The following PKLR variants were observed in gnomAD, a reference collection of about 807,000 sequenced individuals.
PKLR encodes the protein pyruvate kinase PKLR.
A neutral mutation model predicts 53.6 loss-of-function variants in PKLR; 38 were observed. The ratio of observed to expected loss-of-function variants is 0.71; its 90% CI spans 0.55 to 0.93. PKLR has a LOEUF of 0.93. Ranked by LOEUF, PKLR falls within the 40% of genes least tolerant of loss-of-function variation. PKLR has a pLI of 0.00. For missense variants in PKLR, 702 were observed against 787.3 expected, an observed-to-expected ratio of 0.89 and a Z score of 1.30; for synonymous variants, 328 against 316.2, an observed-to-expected ratio of 1.04 and a Z score of -0.39.
chr1:155,302,910 A>G (rs997330753), upstream of PKLR, among the ~76,000 whole-genome samples: 9 of 151,982 alleles, frequency 5.9e-5, no homozygotes, highest in African/African-American at 2.2e-4. Flanking sequence ...TTATTTTTGT[A>G]GAGACTGGTG....
Position 155,293,293 on chromosome 1 carries a change from C to G in PKLR, c.1320G>C (p.Glu440Asp). ...GGCTTAGTGGCGCTGCCCGACGTAGCTCCTCAAACAGCTGCCGGTGGTACA... is the reference window on the plus strand; with the variant it reads ...GGCTTAGTGGCGCTGCCCGACGTAGGTCCTCAAACAGCTGCCGGTGGTACA... ...AAVYHRQLFE[E>D]LRRAAPLSRD... Residue 440 changes from glutamate (E) to aspartate (D), a missense_variant, in exon 9 of 11, where the codon GAG (glutamate) becomes GAC (aspartate). Coordinates refer to ENST00000342741, the MANE Select transcript of PKLR (RefSeq NM_000298.6). The surrounding 1 kb of genome is among the most constrained non-coding windows in gnomAD (Gnocchi z 4.2). The G allele has an allele frequency of 6.2e-7, 1 of 1,614,268 alleles. No individual in the cohort carries two copies. Among genetic ancestry groups the G allele is most frequent in the Non-Finnish European group, 8.5e-7 (1 of 1,180,056 alleles).
At chr1:155,300,379 T>A in intron 1 of PKLR, 99 bp from the exon 2 acceptor site, 1 of 878,716 alleles carries the variant, frequency 1.1e-6, no homozygotes, top group Non-Finnish European at 1.8e-6. Flanking sequence ...TCTTATGAGC[T>A]GGGCATCATG....
the PKLR span, among the ~76,000 whole-genome samples, chr1:155,307,509 A>T: frequency 1.3e-5 from 2 of 152,202 alleles, no homozygotes; most frequent in Non-Finnish European, 2.9e-5. Flanking sequence ...GATAAAACAG[A>T]TTGCAGTAAA....
rs1452107518 is a variant in PKLR, at chr1:155,295,535, C to T, written c.409G>A (p.Ala137Thr). Residue 137 changes from alanine to threonine, a missense_variant, in exon 4 of 11, where the codon GCG becomes ACG. By Grantham distance (58) the Ala-to-Thr change is moderately conservative. Coordinates refer to ENST00000342741, the MANE Select transcript of PKLR (RefSeq NM_000298.6). This position sits in a 1 kb window ranked among gnomAD's most constrained non-coding sequence, Gnocchi z 4.3. The part of the protein sequence containing the change: ...HAESIANVRE[A>T]VESFAGSPLS... ...GGGGAACCTGCAAAGCTCTCCACCG[C>T]CTCCCGGACGTTGGCGATGGACTCA... is the stretch of plus-strand genomic sequence containing the variant. 6.2e-7 allele frequency: 1 copy of T among 1,613,606 alleles called. No individual in the cohort carries two copies. The highest frequency in any genetic ancestry group is 8.5e-7 in the Non-Finnish European group (1 of 1,179,824).
chr1:155,300,311 G>A, intron 1 of PKLR, 31 bp from the exon 2 acceptor site: 2 of 1,546,674 alleles, frequency 1.3e-6, no homozygotes, highest in South Asian at 1.2e-5. Context: ...GGGACTGCAT[G>A]TCACCTGCCC....
intron 5 of PKLR, 27 bp from the exon 6 acceptor site, chr1:155,294,779 G>C (rs1205797609): frequency 2.5e-6 from 4 of 1,613,364 alleles, no homozygotes; most frequent in Admixed American, 3.3e-5. Flanking sequence ...AGCCAGCTGC[G>C]GTCAGGGGTG....
intron 2 of PKLR, among the ~76,000 whole-genome samples, chr1:155,297,657 C>G (rs1647673356): frequency 1.3e-5 from 2 of 151,926 alleles, no homozygotes; most frequent in African/African-American, 4.8e-5. Flanking sequence ...CATTCCCCTG[C>G]TCAAAACCCT....
At chr1:155,301,225 C>T (rs1647974378) in intron 1 of PKLR, 71 bp downstream of exon 1, 1 of 1,559,930 alleles carries the variant, frequency 6.4e-7, no homozygotes, top group East Asian at 2.2e-5. Context: ...CATTTATGCC[C>T]TCCACCCTGG....
chr1:155,298,128 C>T (rs114803660), intron 2 of PKLR, among the ~76,000 whole-genome samples: 2,014 of 152,236 alleles, frequency 0.013, 43 homozygotes, highest in African/African-American at 0.046. Flanking sequence ...TCCCTGCCTT[C>T]CAGTTCAAGT....
At chr1:155,305,466 C>T (rs953228001), upstream of PKLR, among the ~76,000 whole-genome samples, 5 of 152,176 alleles carry the variant, frequency 3.3e-5, no homozygotes, top group East Asian at 1.9e-4. Flanking sequence ...AGAGGACTTC[C>T]GGAGGGAAAT....
chr1:155,295,647 C>G lies in PKLR; in HGVS notation c.375+18G>C, dbSNP rs771734912. The G allele has an allele frequency of 1.5e-4, 235 of 1,613,942 alleles. 4 individuals are homozygous for G. In the South Asian group the frequency reaches 2.4e-3, roughly 17 times the overall value. ...GCATCCTCCTGCCCCACCCACTGCCCGGCGGCCCGTCCCGCACCTCGTGGG... is the reference window on the plus strand; with the variant it reads ...GCATCCTCCTGCCCCACCCACTGCCGGGCGGCCCGTCCCGCACCTCGTGGG... On this transcript the variant is annotated intron_variant, in intron 3 of 10. Transcript: ENST00000342741. This position sits in a 1 kb window ranked among gnomAD's most constrained non-coding sequence, Gnocchi z 4.3.
At chr1:155,306,997 C>A in the PKLR span, among the ~76,000 whole-genome samples, 9 of 152,184 alleles carry the variant, frequency 5.9e-5, no homozygotes, top group Non-Finnish European at 8.8e-5. The surrounding 1 kb of genome is among the most constrained non-coding windows in gnomAD (Gnocchi z 4.2). Flanking sequence ...TCACCACAAC[C>A]TCTGCCTCCC....
At position 155,293,339 on chromosome 1, in the gene PKLR, G is replaced by T. The variant is rs753198136; in HGVS notation, c.1274C>A (p.Ala425Asp). The T allele has an allele frequency of 2.5e-6, 4 of 1,614,230 alleles. No homozygotes were observed. Among genetic ancestry groups the T allele is most frequent in the Non-Finnish European group, 3.4e-6 (4 of 1,180,050 alleles). Reference protein sequence around the residue: ...VEAVKMQHAIAREAEAAVYHR... With the variant: ...VEAVKMQHAIDREAEAAVYHR... ...GTACACTGCGGCCTCTGCCTCCCGG[G>T]CAATCTGCAGGTGCCAGAATGTTAG... Residue 425 changes from alanine (A) to aspartate (D), a missense_variant, in exon 9 of 11, where the codon GCC becomes GAC. Coordinates refer to ENST00000342741, the MANE Select transcript of PKLR (RefSeq NM_000298.6). This position sits in a 1 kb window ranked among gnomAD's most constrained non-coding sequence, Gnocchi z 4.2.
At chr1:155,299,668 G>A (rs902478014) in intron 2 of PKLR, among the ~76,000 whole-genome samples, 2 of 151,142 alleles carry the variant, frequency 1.3e-5, no homozygotes, top group East Asian at 1.9e-4. Flanking sequence ...CACCATGCCC[G>A]GCTAATTTTG....
chr1:155,305,133 T>A (rs1242869703), upstream of PKLR, among the ~76,000 whole-genome samples: 1 of 152,220 alleles, frequency 6.6e-6, no homozygotes, highest in African/African-American at 2.4e-5. Flanking sequence ...CAAAGCCCAC[T>A]GTTATTAGAT....
intron 6 of PKLR, 32 bp downstream of exon 6, chr1:155,294,450 A>G: frequency 6.2e-7 from 1 of 1,614,258 alleles, no homozygotes. Flanking sequence ...GAATAGCGAC[A>G]GGGCCGAAGG....
At position 155,293,048 on chromosome 1, in the gene PKLR, G is replaced by T; in HGVS notation, c.1436+129C>A. On this transcript the variant is annotated intron_variant, in intron 9 of 10. Transcript: ENST00000342741. This position sits in a 1 kb window ranked among gnomAD's most constrained non-coding sequence, Gnocchi z 4.2. ...TCTCTCCTGGCCTCCAGCTGTCATT[G>T]CTGCCTCTCCTCTTGTCTCAGGTGG... 1 of 969,062 alleles carries T rather than the reference G, an allele frequency of 1.0e-6. No individual in the cohort carries two copies. Among genetic ancestry groups the T allele is most frequent in the Non-Finnish European group, 1.7e-6 (1 of 604,260 alleles). The allele number at this position is 969,062 out of a possible 1,614,324, so 60.0% of individuals were successfully genotyped here.
chr1:155,295,769 A>T lies in PKLR; in HGVS notation c.284-13T>A. On this transcript the variant is annotated splice_polypyrimidine_tract_variant and intron_variant, in intron 2 of 10. Transcript: ENST00000342741. This position sits in a 1 kb window ranked among gnomAD's most constrained non-coding sequence, Gnocchi z 4.3. ...CGAGATGCTGGCCCTAGAACCAGAG[A>T]TTCACGTTCAGACAACGTTCCCCCA... The T allele has an allele frequency of 6.2e-7, 1 of 1,610,638 alleles. No homozygotes were observed. Among genetic ancestry groups the T allele is most frequent in the Middle Eastern group, 1.7e-4 (1 of 6,058 alleles).
Position 155,299,034 on chromosome 1 carries a change from CTCTT to C in PKLR, c.283+1060_283+1063del, listed in dbSNP as rs1295731526. Among the ~76,000 whole-genome samples the C allele has an allele frequency of 1.8e-3, 109 of 60,992 alleles. 6 individuals carry two copies. The East Asian group carries it at 0.025, about 14-fold the overall frequency. 40.0% of individuals were successfully genotyped at this position (60,992 alleles called of 152,430 possible). ...TCTTTCTTTCTTTCTTTCTTTCTTT[CTCTT>C]TCTTTCTTTCTTTCCTTCCTTCCTT... On this transcript the variant is annotated intron_variant, in intron 2 of 10. Transcript: ENST00000342741.
Sources: allele counts gnomAD v4.1 joint callset (sites outside exome capture counted in the v4.1 genomes callset), GRCh38; gene constraint gnomAD v4.1.1; non-coding constraint Gnocchi (gnomAD v3.1); transcripts MANE v1.5; gene names NCBI Gene and HGNC (gene_info 2026-07-23, HGNC 2026-07-21).